Variants in RILPL2 observed in about 807,000 individuals in gnomAD.
RILPL2 encodes Rab interacting lysosomal protein like 2.
A neutral mutation model predicts 22.2 loss-of-function variants in RILPL2; 19 were observed. That is an observed-to-expected ratio of 0.86 (90% CI 0.60 to 1.25). RILPL2 has a LOEUF of 1.25. Ranked by LOEUF, RILPL2 falls within the 50% of genes most tolerant of loss-of-function variation. The pLI, the probability that RILPL2 is intolerant of heterozygous loss-of-function variation, is 0.00. For missense variants in RILPL2, 243 were observed against 263.6 expected (o/e 0.92, Z 0.54); for synonymous variants, 123 against 111.6 (o/e 1.10, Z -0.64).
At chr12:123,417,469 C>T (rs1879149176) in intron 3 of RILPL2, among the ~76,000 whole-genome samples, 1 of 152,066 alleles carries the variant, frequency 6.6e-6, no homozygotes, top group Non-Finnish European at 1.5e-5. Flanking sequence ...AGAATAAAAC[C>T]CACAGTCAGC....
At chr12:123,427,462 A>G (rs985528136) in intron 2 of RILPL2, among the ~76,000 whole-genome samples, 6 of 152,134 alleles carry the variant, frequency 3.9e-5, no homozygotes, top group African/African-American at 1.4e-4. Flanking sequence ...AGGAGTGGCA[A>G]AGTTTCATTG....
intron 2 of RILPL2, among the ~76,000 whole-genome samples, chr12:123,428,065 C>T (rs551302042): frequency 6.6e-6 from 1 of 152,348 alleles, no homozygotes; most frequent in South Asian, 2.1e-4. Context: ...GTTTTGCCCA[C>T]TAACAAGCTG....
chr12:123,413,921 CAG>C (rs1412173709), downstream of RILPL2: 1 of 152,324 alleles, frequency 6.6e-6, no homozygotes, highest in African/African-American at 2.4e-5. Context: ...GAGCTAGACA[CAG>C]GGTGCTGATT....
chr12:123,427,316 A>G (rs1879468917), intron 2 of RILPL2, among the ~76,000 whole-genome samples: 1 of 152,070 alleles, frequency 6.6e-6, no homozygotes, highest in South Asian at 2.1e-4. Flanking sequence ...GAGCACAGAA[A>G]CAGAAGAAAG....
intron 1 of RILPL2, among the ~76,000 whole-genome samples, chr12:123,433,587 T>C (rs1879711634): frequency 6.6e-6 from 1 of 152,092 alleles, no homozygotes; most frequent in Non-Finnish European, 1.5e-5. Context: ...TAATTTTGTA[T>C]TTTTAGTAGA....
At position 123,430,555 on chromosome 12, in the gene RILPL2, G is replaced by C. The variant is rs1414679166; in HGVS notation, c.444C>G (p.Leu148=). 2.5e-6 allele frequency: 4 copies of C among 1,612,952 alleles called. No individual in the cohort carries two copies. In the Admixed American group the frequency reaches 6.7e-5, roughly 27 times the overall value. Residue 148 remains leucine (L), a synonymous_variant, in exon 2 of 4, where the codon CTC becomes CTG. Transcript: ENST00000280571. The part of the protein sequence containing the change: ...LRDVLQERNK[L]KSQLLVVQEE... ...CCTGCACCACCAGGAGCTGCGACTT[G>C]AGTTTGTTGCGTTCCTGCAGCACAT...
At chr12:123,426,894 G>T (rs928632362) in intron 2 of RILPL2, among the ~76,000 whole-genome samples, 1 of 151,266 alleles carries the variant, frequency 6.6e-6, no homozygotes, top group South Asian at 2.1e-4. Flanking sequence ...GAGCCACCGC[G>T]GCCAGCCGAC....
chr12:123,424,945 C>T (rs1234972566), intron 2 of RILPL2, among the ~76,000 whole-genome samples: 35 of 151,206 alleles, frequency 2.3e-4, no homozygotes, highest in African/African-American at 8.3e-4. Context: ...GGTGGCGCTA[C>T]CTTGGCTCAC....
At chr12:123,418,153 C>T (rs555704569) in intron 3 of RILPL2, among the ~76,000 whole-genome samples, 1 of 151,928 alleles carries the variant, frequency 6.6e-6, no homozygotes, top group Non-Finnish European at 1.5e-5. Flanking sequence ...CCAGGCTAGT[C>T]TCAAACTCTT....
downstream of RILPL2, chr12:123,414,303 G>C (rs939849673): frequency 6.5e-6 from 1 of 154,442 alleles, no homozygotes; most frequent in Non-Finnish European, 1.4e-5. Context: ...GCGCAGCGCC[G>C]GTGGGCTGGC....
At chr12:123,419,258 T>G (rs776961705) in intron 3 of RILPL2, among the ~76,000 whole-genome samples, 1 of 151,800 alleles carries the variant, frequency 6.6e-6, no homozygotes, top group African/African-American at 2.4e-5. Context: ...ATCCTGACCT[T>G]GTGATCTGCC....
At position 123,430,613 on chromosome 12, in the gene RILPL2, T is replaced by C. The variant is rs1307465352; in HGVS notation, c.386A>G (p.Asn129Ser). 4.3e-6 allele frequency: 7 copies of C among 1,610,714 alleles called. No individual in the cohort carries two copies. The highest frequency in any genetic ancestry group is 5.9e-6 in the Non-Finnish European group (7 of 1,177,962). ...NKMVVDLTDPNRPRFTLQELR... is the reference protein window; with the variant it reads ...NKMVVDLTDPSRPRFTLQELR... ...CTCCTGCAGAGTGAAGCGGGGTCGG[T>C]TGGGATCTGTCAGGTCAACCACCAT... is the stretch of plus-strand genomic sequence containing the variant. The change falls in exon 2 of 4, where the codon AAC becomes AGC. Residue 129 changes from asparagine to serine, a missense_variant. Physicochemically the swap from Asn to Ser is conservative, Grantham distance 46. Coordinates refer to ENST00000280571, the MANE Select transcript of RILPL2 (RefSeq NM_145058.3).
intron 2 of RILPL2, among the ~76,000 whole-genome samples, chr12:123,424,784 C>T (rs1385994454): frequency 6.6e-6 from 1 of 152,204 alleles, no homozygotes; most frequent in Non-Finnish European, 1.5e-5. Flanking sequence ...CGTTTTGTTG[C>T]AGTGCCCACT....
Position 123,415,695 on chromosome 12 carries a change from C to T in RILPL2, c.*196G>A. 1.4e-6 allele frequency: 1 copy of T among 693,968 alleles called. No homozygotes were observed. The highest frequency in any genetic ancestry group is 1.7e-5 in the South Asian group (1 of 58,348). 43.0% of individuals were successfully genotyped at this position (693,968 alleles called of 1,614,324 possible). A position where few individuals can be genotyped will look rare whatever the true frequency, so the allele number is the denominator to read the frequency against. On this transcript the variant is annotated 3_prime_UTR_variant, in exon 4 of 4. Coordinates refer to ENST00000280571, the MANE Select transcript of RILPL2 (RefSeq NM_145058.3). ...GTCTCACTGGCCCAGGCCAAATCTT[C>T]AAGGGTGTCTAGTTCTGCAGCCAGG...
chr12:123,432,286 G>A (rs1428623215), intron 1 of RILPL2, among the ~76,000 whole-genome samples: 6 of 152,116 alleles, frequency 3.9e-5, no homozygotes, highest in Non-Finnish European at 7.4e-5. Flanking sequence ...CGGGTGGATC[G>A]TTTGAGCCCA....
chr12:123,435,864 ACACCTGTAAACCCAG>A (rs1879778555), intron 1 of RILPL2, among the ~76,000 whole-genome samples: 1 of 152,100 alleles, frequency 6.6e-6, no homozygotes, highest in African/African-American at 2.4e-5. Flanking sequence ...AGGGTGGCTC[ACACCTGTAAACCCAG>A]CACTCTAGGA....
At chr12:123,419,828 C>T (rs1879225179) in intron 3 of RILPL2, among the ~76,000 whole-genome samples, 1 of 151,418 alleles carries the variant, frequency 6.6e-6, no homozygotes. Flanking sequence ...CAGTCTCATT[C>T]TGTCGCCCAG....
chr12:123,424,936 G>A (rs1177385137), intron 2 of RILPL2, among the ~76,000 whole-genome samples: 1 of 150,918 alleles, frequency 6.6e-6, no homozygotes, highest in African/African-American at 2.4e-5. Context: ...GGCTGGAGTG[G>A]TGGCGCTACC....
At chr12:123,417,307 A>G (rs1156784198) in intron 3 of RILPL2, among the ~76,000 whole-genome samples, 1 of 151,750 alleles carries the variant, frequency 6.6e-6, no homozygotes, top group Admixed American at 6.6e-5. Flanking sequence ...TCAAAAAAAA[A>G]AAAAGGAAAA....
Sources: gnomAD v4.1 joint callset for allele counts (sites outside exome capture counted in the v4.1 genomes callset) on GRCh38, gnomAD v4.1.1 for gene constraint, MANE v1.5 for transcripts, NCBI Gene and HGNC (gene_info 2026-07-23, HGNC 2026-07-21) for gene names.